ACSM5: variants seen among roughly 807,000 people sequenced by gnomAD.
The protein encoded by ACSM5 is acyl-CoA synthetase medium chain family member 5, also known as acyl-coenzyme A synthetase ACSM5, mitochondrial.
Under a neutral mutation model 71.6 loss-of-function variants are expected in ACSM5, and 56 were observed. The ratio of observed to expected loss-of-function variants is 0.78; its 90% CI spans 0.63 to 0.98. ACSM5 has a LOEUF of 0.98. Among genes scored for constraint, ACSM5 ranks in the 50% least tolerant of loss-of-function variants. ACSM5 has a pLI of 0.00. For synonymous variants in ACSM5, 285 were observed against 281.5 expected (o/e 1.01, Z -0.12); for missense variants, 723 against 726.0 (o/e 1.00, Z 0.05).
In ACSM5 at chr16:20,431,070, G is replaced by A. The variant is rs767755197; in HGVS notation, c.1203G>A (p.Val401=). 2 of 1,612,972 alleles carry A rather than the reference G, an allele frequency of 1.2e-6. No individual in the cohort carries two copies. The highest frequency in any genetic ancestry group is 2.2e-5 in the South Asian group (2 of 90,794). Residue 401 remains valine, a synonymous_variant, in exon 9 of 14, where the codon GTG becomes GTA. Coordinates refer to ENST00000331849, the MANE Select transcript of ACSM5 (RefSeq NM_017888.3). ...GGAAGGCGTCCCCACCCTACGATGT[G>A]CAGGTAGCAGCCTCCCCCAACTTCT... The part of the protein sequence containing the change: ...SMGKASPPYD[V]QIVDDEGNVL...
At position 20,429,712 on chromosome 16, in the gene ACSM5, G is replaced by A. The variant is rs988151353; in HGVS notation, c.1036G>A (p.Gly346Arg). 1.7e-5 allele frequency: 27 copies of A among 1,613,682 alleles called. No individual in the cohort carries two copies. Among genetic ancestry groups the A allele is most frequent in the African/African-American group, 5.3e-5 (4 of 74,892 alleles). ...QFQSLRHCLT[G>R]GEALNPDVRE... is the part of the protein sequence containing the mutation. ...TCAGAGCCTGAGGCACTGTCTGACC[G>A]GAGGAGAGGCCCTCAACCCTGACGT... The change falls in exon 8 of 14, where the codon GGA (glycine) becomes AGA (arginine). Residue 346 changes from glycine (G) to arginine (R), a missense_variant. Gly to Arg is a moderately radical substitution (Grantham distance 125, BLOSUM62 -2). Coordinates refer to ENST00000331849, the MANE Select transcript of ACSM5 (RefSeq NM_017888.3).
intron 6 of ACSM5, 144 bp downstream of exon 6, chr16:20,424,213 G>C: frequency 9.8e-7 from 1 of 1,018,074 alleles, no homozygotes; most frequent in South Asian, 1.7e-5. Flanking sequence ...CCATAATCTG[G>C]TTCCTGACCA....
In ACSM5 at chr16:20,418,173, G is replaced by T; in HGVS notation, c.319G>T (p.Gly107Trp). Residue 107 changes from glycine (G) to tryptophan (W), a missense_variant, in exon 3 of 14, where the codon GGG becomes TGG. Transcript: ENST00000331849. Reference sequence around the variant, plus strand: ...GTCCAGGAAGGCAGCCAATGTGCTGGGGGGTGCATGCGGCCTGCAGCCTGG... The same window carrying T: ...GTCCAGGAAGGCAGCCAATGTGCTGTGGGGTGCATGCGGCCTGCAGCCTGG... ...KQSRKAANVL[G>W]GACGLQPGDR... 5 of 1,613,368 alleles carry T rather than the reference G, an allele frequency of 3.1e-6. No homozygotes were observed. The highest frequency in any genetic ancestry group is 4.2e-6 in the Non-Finnish European group (5 of 1,179,906).
Position 20,419,262 on chromosome 16 carries a change from A to G in ACSM5, c.450A>G (p.Thr150=), listed in dbSNP as rs762086109. The change falls in exon 4 of 14, where the codon ACA becomes ACG. Residue 150 remains threonine (T), a synonymous_variant. Transcript: ENST00000331849. Reference sequence around the variant, plus strand: ...TGATTCCGGGTGTGACTCAGCTGACAGAGAAGGACCTCAAGTACCGGCTGC... The same window carrying G: ...TGATTCCGGGTGTGACTCAGCTGACGGAGAAGGACCTCAAGTACCGGCTGC... The part of the protein sequence containing the change: ...TVMIPGVTQL[T]EKDLKYRLQA... 4 of 1,614,104 alleles carry G rather than the reference A, an allele frequency of 2.5e-6. No homozygotes were observed. Among genetic ancestry groups the G allele is most frequent in the Non-Finnish European group, 3.4e-6 (4 of 1,180,000 alleles).
chr16:20,439,931 G>A lies in ACSM5; in HGVS notation c.1656+12G>A. 6.2e-7 allele frequency: 1 copy of A among 1,611,842 alleles called. No individual in the cohort carries two copies. The highest frequency in any genetic ancestry group is 8.5e-7 in the Non-Finnish European group (1 of 1,178,452). On this transcript the variant is annotated intron_variant, in intron 13 of 13. Transcript: ENST00000331849. The stretch of plus-strand genomic sequence containing the variant: ...AATACCCCAGGAAGGTAAATATCAG[G>A]GTTTCCAGGGCACAGTGATCTGGGA...
rs768385081 is a variant in ACSM5 at position 20,423,988 on chromosome 16, G to C, written c.840G>C (p.Trp280Cys). 4.3e-6 allele frequency: 7 copies of C among 1,614,176 alleles called. No individual in the cohort carries two copies. The South Asian group carries it at 7.7e-5, about 18-fold the overall frequency. ...TTDTGWVKAA[W>C]TLFSAWPNGS... The stretch of plus-strand genomic sequence containing the variant: ...ACACTGGCTGGGTGAAGGCAGCCTG[G>C]ACTCTCTTCTCTGCCTGGCCTAATG... The change falls in exon 6 of 14, where the codon TGG becomes TGC. Residue 280 changes from tryptophan to cysteine, a missense_variant. Transcript: ENST00000331849.
chr16:20,414,409 C>T (rs1966852828), intron 2 of ACSM5, among the ~76,000 whole-genome samples: 1 of 152,092 alleles, frequency 6.6e-6, no homozygotes, highest in Non-Finnish European at 1.5e-5. Flanking sequence ...TGATGTGGGG[C>T]CACGATCCAA....
At chr16:20,413,915 T>G (rs926091778) in intron 2 of ACSM5, among the ~76,000 whole-genome samples, 2 of 152,180 alleles carry the variant, frequency 1.3e-5, no homozygotes, top group African/African-American at 4.8e-5. Context: ...AGATGACTAC[T>G]AAGCTAACCA....
At position 20,427,724 on chromosome 16, in the gene ACSM5, C is replaced by A. The variant is rs1967011628; in HGVS notation, c.922-64C>A. ...ACTGAGACTATAAAGATGCATTTGGCTCCATCTTCATGGTCCCACCCCAAT... is the reference window on the plus strand; with the variant it reads ...ACTGAGACTATAAAGATGCATTTGGATCCATCTTCATGGTCCCACCCCAAT... On this transcript the variant is annotated intron_variant, in intron 6 of 13. Coordinates refer to ENST00000331849, the MANE Select transcript of ACSM5 (RefSeq NM_017888.3). 5 of 1,099,982 alleles carry A rather than the reference C, an allele frequency of 4.5e-6. No homozygotes were observed. In the South Asian group the frequency reaches 6.4e-5, roughly 14 times the overall value. The allele number at this position is 1,099,982 out of a possible 1,614,324, so 68.1% of individuals were successfully genotyped here.
At position 20,420,667 on chromosome 16, in the gene ACSM5, G is replaced by C. The variant is rs1292863629; in HGVS notation, c.624-591G>C. 1.3e-5 allele frequency among the ~76,000 whole-genome samples: 2 copies of C among 152,186 alleles called. 1 individual carries two copies. The highest frequency in any genetic ancestry group is 3.8e-4 in the East Asian group (2 of 5,200). ...GCTGTCAGGTGGGCCTAGATCAGTG[G>C]TTCTCAATTTTGGCTGTTACTAGAA... On this transcript the variant is annotated intron_variant, in intron 4 of 13. Coordinates refer to ENST00000331849, the MANE Select transcript of ACSM5 (RefSeq NM_017888.3).
Position 20,427,096 on chromosome 16 carries a change from T to A in ACSM5, c.922-692T>A, listed in dbSNP as rs575809557. 1.1e-4 allele frequency among the ~76,000 whole-genome samples: 16 copies of A among 151,702 alleles called. No individual in the cohort carries two copies. The South Asian group carries it at 3.4e-3, about 32-fold the overall frequency. ...GGCGGGTGAATCATGAGGTCAGGAG[T>A]TAAAGACCAGCCTGGCCAGGATGGT... On this transcript the variant is annotated intron_variant, in intron 6 of 13. Coordinates refer to ENST00000331849, the MANE Select transcript of ACSM5 (RefSeq NM_017888.3).
intron 1 of ACSM5, among the ~76,000 whole-genome samples, chr16:20,410,949 C>T (rs1966846528): frequency 6.6e-6 from 1 of 152,142 alleles, no homozygotes; most frequent in Non-Finnish European, 1.5e-5. Context: ...TAAAATATCT[C>T]TTTAACAATT....
chr16:20,425,506 G>T (rs1294491976), intron 6 of ACSM5, among the ~76,000 whole-genome samples: 3 of 152,094 alleles, frequency 2.0e-5, no homozygotes, highest in Non-Finnish European at 2.9e-5. Flanking sequence ...AGTGGTGATT[G>T]TAAGATTTTG....
rs181007844 is a variant in ACSM5, at chr16:20,412,884, A to G, written c.204+1196A>G. 1.3e-3 allele frequency among the ~76,000 whole-genome samples: 195 copies of G among 152,368 alleles called. 3 individuals carry two copies. The South Asian group carries it at 0.035, about 28-fold the overall frequency. On this transcript the variant is annotated intron_variant, in intron 2 of 13. Transcript: ENST00000331849. Reference sequence around the variant, plus strand: ...AAAATATGAAGTAAATGGCATTGTTAGTAGATACAATAAAATTAACTGTCA... The same window carrying G: ...AAAATATGAAGTAAATGGCATTGTTGGTAGATACAATAAAATTAACTGTCA...
At position 20,437,228 on chromosome 16, in the gene ACSM5, G is replaced by C. The variant is rs755526888; in HGVS notation, c.1437-40G>C. ...CTTCCTTTGAAATTTCATGGGGGTTGAGGGAAGCCCACTTGGAAGAGTTTG... is the reference window on the plus strand; with the variant it reads ...CTTCCTTTGAAATTTCATGGGGGTTCAGGGAAGCCCACTTGGAAGAGTTTG... On this transcript the variant is annotated intron_variant, in intron 11 of 13. Transcript: ENST00000331849. 2 of 1,614,128 alleles carry C rather than the reference G, an allele frequency of 1.2e-6. 1 individual carries two copies. Among genetic ancestry groups the C allele is most frequent in the South Asian group, 2.2e-5 (2 of 91,078 alleles).
At position 20,423,109 on chromosome 16, in the gene ACSM5, T is replaced by A. The variant is rs544217485; in HGVS notation, c.768-807T>A. Among the ~76,000 whole-genome samples, 4 of 152,176 alleles carry A rather than the reference T, an allele frequency of 2.6e-5. No homozygotes were observed. The South Asian group carries it at 8.3e-4, about 32-fold the overall frequency. Reference sequence around the variant, plus strand: ...AGTGTAAAGATGGTATTTCATACCATGAGATGGGATGAGATCAGCAAAGTG... The same window carrying A: ...AGTGTAAAGATGGTATTTCATACCAAGAGATGGGATGAGATCAGCAAAGTG... On this transcript the variant is annotated intron_variant, in intron 5 of 13. Coordinates refer to ENST00000331849, the MANE Select transcript of ACSM5 (RefSeq NM_017888.3).
At position 20,411,296 on chromosome 16, in the gene ACSM5, GGA is replaced by G. The variant is rs1277760336; in HGVS notation, c.-15-169_-15-168del. On this transcript the variant is annotated intron_variant, in intron 1 of 13. Coordinates refer to ENST00000331849, the MANE Select transcript of ACSM5 (RefSeq NM_017888.3). ...CAAAAGGACAGACCTCGGGGTCAGA[GGA>G]GAGAAATGACCATCACACAGCAGAA... Among the ~76,000 whole-genome samples, 3 of 152,244 alleles carry G rather than the reference GGA, an allele frequency of 2.0e-5. No homozygotes were observed. In the East Asian group the frequency reaches 5.8e-4, roughly 29 times the overall value.
chr16:20,431,764 A>T lies in ACSM5; in HGVS notation c.1308+443A>T, dbSNP rs181353926. Reference sequence around the variant, plus strand: ...TCAGGAGTTCAACACCAGCCTGGTCAGCATAGTGAAACCCCGTTTCTACCA... The same window carrying T: ...TCAGGAGTTCAACACCAGCCTGGTCTGCATAGTGAAACCCCGTTTCTACCA... On this transcript the variant is annotated intron_variant, in intron 10 of 13. Transcript: ENST00000331849. Among the ~76,000 whole-genome samples the T allele has an allele frequency of 8.2e-4, 125 of 152,168 alleles. 2 individuals carry two copies. In the South Asian group the frequency reaches 0.012, roughly 15 times the overall value.
intron 6 of ACSM5, among the ~76,000 whole-genome samples, chr16:20,427,018 G>C (rs557736592): frequency 6.7e-6 from 1 of 150,012 alleles, no homozygotes; most frequent in Non-Finnish European, 1.5e-5. Flanking sequence ...AAAGTTCACT[G>C]GTGGCCGGGC....
Sources: allele counts gnomAD v4.1 joint callset (sites outside exome capture counted in the v4.1 genomes callset), GRCh38; gene constraint gnomAD v4.1.1; transcripts MANE v1.5; gene names NCBI Gene and HGNC (gene_info 2026-07-23, HGNC 2026-07-21).